The following ANTXR1 variants were observed in gnomAD, a reference collection of about 807,000 sequenced individuals.
ANTXR1 encodes the protein anthrax toxin receptor 1.
In ANTXR1, 19 loss-of-function variants were observed where a neutral mutation model predicts 78.1. The ratio of observed to expected loss-of-function variants is 0.24; its 90% confidence interval spans 0.17 to 0.36. The LOEUF (loss-of-function observed/expected upper bound fraction) is 0.36. Ranked by LOEUF, ANTXR1 falls within the 10% of genes least tolerant of loss-of-function variation. The probability of loss-of-function intolerance (pLI) is 1.00; values close to 1 mark genes in which losing one functional copy is unlikely to be tolerated. For missense variants in ANTXR1, 518 were observed against 718.6 expected (o/e 0.72, Z 3.19); for synonymous variants, 273 against 260.5 (o/e 1.05, Z -0.46).
intron 16 of ANTXR1, among the ~76,000 whole-genome samples, chr2:69,184,042 C>A (rs1674357856): frequency 7.5e-6 from 1 of 132,888 alleles, no homozygotes; most frequent in Admixed American, 7.5e-5. Context: ...CTCCCATCAC[C>A]ATCCATACAC....
In ANTXR1 at chr2:69,145,448, G is replaced by A. The variant is rs1573930803; in HGVS notation, c.952-6721G>A. 12 of 1,544,862 alleles carry A rather than the reference G, an allele frequency of 7.8e-6. No homozygotes were observed. The East Asian group carries it at 2.7e-4, about 35-fold the overall frequency. Reference sequence around the variant, plus strand: ...GGGAGAGAGGAGCCAAACATGCTCGGTTTACACTTTCCTTATTTACTGAAT... The same window carrying A: ...GGGAGAGAGGAGCCAAACATGCTCGATTTACACTTTCCTTATTTACTGAAT... On this transcript the variant is annotated intron_variant, in intron 12 of 17. Coordinates refer to ENST00000303714, the MANE Select transcript of ANTXR1 (RefSeq NM_032208.3).
chr2:69,181,769 C>CCA lies in ANTXR1; in HGVS notation c.1090-14_1090-13dup. The CCA allele has an allele frequency of 6.2e-7, 1 of 1,613,302 alleles. No homozygotes were observed. The highest frequency in any genetic ancestry group is 8.5e-7 in the Non-Finnish European group (1 of 1,179,318). On this transcript the variant is annotated splice_polypyrimidine_tract_variant and intron_variant, in intron 14 of 17. Coordinates refer to ENST00000303714, the MANE Select transcript of ANTXR1 (RefSeq NM_032208.3). ...AGTGCTGTTTTGCTTCCTTCATGTG[C>CCA]CACAATTTCTCTGCAGGAAGAAGAT... is the stretch of plus-strand genomic sequence containing the variant.
chr2:69,032,230 C>T (rs1487839863), intron 1 of ANTXR1, among the ~76,000 whole-genome samples: 2 of 152,076 alleles, frequency 1.3e-5, no homozygotes, highest in South Asian at 2.1e-4. Flanking sequence ...AAAGCAGAGA[C>T]CATAACCTGT....
At chr2:69,174,796 A>G (rs1674077207) in intron 14 of ANTXR1, among the ~76,000 whole-genome samples, 1 of 152,252 alleles carries the variant, frequency 6.6e-6, no homozygotes, top group Non-Finnish European at 1.5e-5. Flanking sequence ...TTGAGCATTT[A>G]TAACTATCCA....
At chr2:69,127,909 A>G (rs964700707) in intron 12 of ANTXR1, among the ~76,000 whole-genome samples, 3 of 152,134 alleles carry the variant, frequency 2.0e-5, no homozygotes, top group Non-Finnish European at 4.4e-5. Flanking sequence ...TTTGCTGTGT[A>G]CTGGTTATGT....
intron 14 of ANTXR1, among the ~76,000 whole-genome samples, chr2:69,179,017 G>C (rs1437641894): frequency 1.3e-5 from 2 of 152,182 alleles, no homozygotes; most frequent in African/African-American, 2.4e-5. Context: ...AACTGCCCCA[G>C]ACTGGGAATG....
At chr2:69,125,587 TC>T (rs982057148) in intron 12 of ANTXR1, among the ~76,000 whole-genome samples, 1 of 152,186 alleles carries the variant, frequency 6.6e-6, no homozygotes, top group African/African-American at 2.4e-5. Flanking sequence ...AGGCCTGTAA[TC>T]CCAGCACTTT....
At position 69,245,681 on chromosome 2, in the gene ANTXR1, A is replaced by G; in HGVS notation, c.*196A>G. ...ATTTTAAATTGCCAGAAAACAAATGATGAGGCAACTACAGTCAGATTTATA... is the reference window on the plus strand; with the variant it reads ...ATTTTAAATTGCCAGAAAACAAATGGTGAGGCAACTACAGTCAGATTTATA... On this transcript the variant is annotated 3_prime_UTR_variant, in exon 18 of 18. Coordinates refer to ENST00000303714, the MANE Select transcript of ANTXR1 (RefSeq NM_032208.3). 1 of 711,650 alleles carries G rather than the reference A, an allele frequency of 1.4e-6. No homozygotes were observed. Among genetic ancestry groups the G allele is most frequent in the Non-Finnish European group, 2.3e-6 (1 of 436,040 alleles). 44.1% of individuals were successfully genotyped at this position (711,650 alleles called of 1,614,324 possible). A position where few individuals can be genotyped will look rare whatever the true frequency, so the allele number is the denominator to read the frequency against.
intron 10 of ANTXR1, among the ~76,000 whole-genome samples, chr2:69,104,025 G>A (rs1456526891): frequency 1.3e-5 from 2 of 148,208 alleles, no homozygotes; most frequent in African/African-American, 2.5e-5. Context: ...TGCAACCTCC[G>A]CCTCCCAAGT....
chr2:69,233,894 A>T (rs1675687059), intron 17 of ANTXR1, among the ~76,000 whole-genome samples: 1 of 152,058 alleles, frequency 6.6e-6, no homozygotes, highest in Non-Finnish European at 1.5e-5. Context: ...AAATATACTA[A>T]GAGTAGGATG....
intron 1 of ANTXR1, among the ~76,000 whole-genome samples, chr2:69,029,412 C>A (rs1671459104): frequency 6.6e-6 from 1 of 150,992 alleles, no homozygotes; most frequent in African/African-American, 2.4e-5. Context: ...AGATAATTTT[C>A]CTGAGCTGCA....
intron 13 of ANTXR1, among the ~76,000 whole-genome samples, chr2:69,164,352 G>A (rs1673770099): frequency 6.6e-6 from 1 of 152,232 alleles, no homozygotes; most frequent in Non-Finnish European, 1.5e-5. Flanking sequence ...GGAGGGTTAA[G>A]AGACCAGAAT....
chr2:69,200,414 G>A (rs536916124), intron 17 of ANTXR1, among the ~76,000 whole-genome samples: 4 of 152,242 alleles, frequency 2.6e-5, no homozygotes, highest in Admixed American at 2.0e-4. Flanking sequence ...TCGCAGAGGC[G>A]AGAATAGCCT....
intron 2 of ANTXR1, among the ~76,000 whole-genome samples, chr2:69,043,549 A>G (rs1289901936): frequency 2.0e-5 from 3 of 152,184 alleles, no homozygotes; most frequent in Non-Finnish European, 4.4e-5. Context: ...TTAGGGACCA[A>G]TATTCAATTC....
At chr2:69,046,315 A>G (rs1669766343) in intron 3 of ANTXR1, among the ~76,000 whole-genome samples, 1 of 152,136 alleles carries the variant, frequency 6.6e-6, no homozygotes, top group African/African-American at 2.4e-5. Flanking sequence ...ACAGGGTCAG[A>G]GGGGTCAGGG....
chr2:69,147,969 G>A (rs773486675), intron 12 of ANTXR1, among the ~76,000 whole-genome samples: 3 of 152,200 alleles, frequency 2.0e-5, no homozygotes, highest in African/African-American at 7.2e-5. Flanking sequence ...AAATGCAGGC[G>A]TTTCAAGAGT....
chr2:69,048,378 G>A (rs1191014978), intron 3 of ANTXR1, among the ~76,000 whole-genome samples: 2 of 152,052 alleles, frequency 1.3e-5, no homozygotes, highest in Non-Finnish European at 2.9e-5. Flanking sequence ...TTCTTTTAAT[G>A]TATATCTGAA....
At chr2:69,090,314 C>T (rs1020330073) in intron 8 of ANTXR1, among the ~76,000 whole-genome samples, 2 of 151,786 alleles carry the variant, frequency 1.3e-5, no homozygotes, top group Non-Finnish European at 2.9e-5. Context: ...GTACTTTTTC[C>T]TTCTCACCTT....
chr2:69,208,108 A>G (rs529458458), intron 17 of ANTXR1, among the ~76,000 whole-genome samples: 4 of 152,320 alleles, frequency 2.6e-5, no homozygotes, highest in South Asian at 2.1e-4. Flanking sequence ...GGGGTTCTCA[A>G]TCCGGTCTGT....
Sources: allele counts gnomAD v4.1 joint callset (sites outside exome capture counted in the v4.1 genomes callset), GRCh38; gene constraint gnomAD v4.1.1; transcripts MANE v1.5; gene names NCBI Gene and HGNC (gene_info 2026-07-23, HGNC 2026-07-21).